Variants in ANKRD28 observed in about 807,000 individuals in gnomAD.
The protein encoded by ANKRD28 is ankyrin repeat domain 28.
ANKRD28 carries 44 observed loss-of-function variants against 126.5 expected under a neutral mutation model. The ratio of observed to expected loss-of-function variants is 0.35; its 90% CI spans 0.27 to 0.45. ANKRD28 has a LOEUF of 0.45. Among genes scored for constraint, ANKRD28 ranks in the 20% least tolerant of loss-of-function variants. ANKRD28 has a pLI of 1.00. For missense variants in ANKRD28, 1,110 were observed against 1,316.6 expected, an observed-to-expected ratio of 0.84 and a Z score of 2.43; for synonymous variants, 442 against 468.5, an observed-to-expected ratio of 0.94 and a Z score of 0.73.
At chr3:15,716,279 G>A (rs2073028517) in intron 8 of ANKRD28, among the ~76,000 whole-genome samples, 1 of 146,364 alleles carries the variant, frequency 6.8e-6, no homozygotes. Flanking sequence ...ACCGCACCTG[G>A]ACTTTTTTTT....
chr3:15,749,095 G>GTTTTGTTTTT, intron 4 of ANKRD28, among the ~76,000 whole-genome samples: 1 of 106,998 alleles, frequency 9.3e-6, no homozygotes, highest in East Asian at 3.3e-4. Flanking sequence ...TCTATATTAT[G>GTTTTGTTTTT]TTTTTGTTTT....
In ANKRD28 at chr3:15,814,787, A is replaced by G. The variant is rs2060798956; in HGVS notation, c.28-19481T>C. ...AATATTCAATCTATACGCTTTTTGAATATGTAGAACATACTCATTTCAGTA... is the reference window on the plus strand; with the variant it reads ...AATATTCAATCTATACGCTTTTTGAGTATGTAGAACATACTCATTTCAGTA... On this transcript the variant is annotated intron_variant, in intron 1 of 27. Transcript: ENST00000399451. This position sits in a 1 kb window ranked among gnomAD's most constrained non-coding sequence, Gnocchi z 4.7. Among the ~76,000 whole-genome samples, 1 of 151,814 alleles carries G rather than the reference A, an allele frequency of 6.6e-6. No individual in the cohort carries two copies.
chr3:15,790,680 G>A lies in ANKRD28; in HGVS notation c.201+4543C>T, dbSNP rs557887289. On this transcript the variant is annotated intron_variant, in intron 2 of 27. Transcript: ENST00000683139. ...GCCATATATGACAGACCCACAGCTAGTATCATGCTGAATGAGGAAAAACTG... is the reference window on the plus strand; with the variant it reads ...GCCATATATGACAGACCCACAGCTAATATCATGCTGAATGAGGAAAAACTG... Among the ~76,000 whole-genome samples, 95 of 152,076 alleles carry A rather than the reference G, an allele frequency of 6.2e-4. 2 individuals are homozygous for A. The South Asian group carries it at 0.019, about 31-fold the overall frequency.
chr3:15,768,787 G>A (rs1575606140), intron 2 of ANKRD28, among the ~76,000 whole-genome samples: 1 of 152,284 alleles, frequency 6.6e-6, no homozygotes, highest in East Asian at 1.9e-4. Context: ...GTAAAGGGAG[G>A]TTGATATAGT....
chr3:15,736,627 T>C (rs1406304987), intron 5 of ANKRD28, among the ~76,000 whole-genome samples: 2 of 152,244 alleles, frequency 1.3e-5, no homozygotes, highest in Admixed American at 6.5e-5. Flanking sequence ...TTTTCTTAAA[T>C]TGTTTTGATG....
In ANKRD28 at chr3:15,839,661, C is replaced by G. The variant is rs1421592896; in HGVS notation, c.27+19716G>C. ...CAAAAAATCCTCAACAAAATACTAGCAAACCAAATTCAACAACACACTAAA... is the reference window on the plus strand; with the variant it reads ...CAAAAAATCCTCAACAAAATACTAGGAAACCAAATTCAACAACACACTAAA... On this transcript the variant is annotated intron_variant, in intron 1 of 27. Transcript: ENST00000399451. This position sits in a 1 kb window ranked among gnomAD's most constrained non-coding sequence, Gnocchi z 4.3. 3.3e-5 allele frequency among the ~76,000 whole-genome samples: 5 copies of G among 151,948 alleles called. No homozygotes were observed. Among genetic ancestry groups the G allele is most frequent in the Admixed American group, 3.3e-4 (5 of 15,264 alleles).
At chr3:15,695,756 T>G (rs1348871526) in intron 15 of ANKRD28, among the ~76,000 whole-genome samples, 2 of 152,156 alleles carry the variant, frequency 1.3e-5, no homozygotes, top group African/African-American at 4.8e-5. Context: ...GAAATAAATG[T>G]GCCTTTTGGA....
At chr3:15,761,516 G>A (rs1306822089) in intron 3 of ANKRD28, among the ~76,000 whole-genome samples, 3 of 152,050 alleles carry the variant, frequency 2.0e-5, no homozygotes, top group Non-Finnish European at 4.4e-5. Flanking sequence ...AGTTTAACTT[G>A]GGCCTCAGCA....
chr3:15,770,835 G>C (rs1200794920), intron 2 of ANKRD28, among the ~76,000 whole-genome samples: 1 of 152,148 alleles, frequency 6.6e-6, no homozygotes. Context: ...CTGAAAGTAG[G>C]GGAAGATTAA....
At chr3:15,768,802 A>G (rs6442550) in intron 2 of ANKRD28, among the ~76,000 whole-genome samples, 74,694 of 152,054 alleles carry the variant, frequency 0.49, 20,295 homozygotes, top group Non-Finnish European at 0.6. Context: ...TATAGTGCCA[A>G]TAATGTTAAA....
At chr3:15,774,995 G>T (rs1205654380) in intron 2 of ANKRD28, among the ~76,000 whole-genome samples, 1 of 152,204 alleles carries the variant, frequency 6.6e-6, no homozygotes, top group African/African-American at 2.4e-5. Flanking sequence ...TCCTGCCTCA[G>T]CCTCCCCAGT....
Position 15,797,458 on chromosome 3 carries a change from A to G in ANKRD28, c.-937T>C, listed in dbSNP as rs780177324. ...CAGCAAAAGGGCACAGGCACCAGGC[A>G]GAAATGGTGTTAGTGGAGAATCCTA... On this transcript the variant is annotated 5_prime_UTR_variant, in exon 1 of 28. Coordinates refer to ENST00000683139, the MANE Select transcript of ANKRD28 (RefSeq NM_001349278.2). 90 of 985,300 alleles carry G rather than the reference A, an allele frequency of 9.1e-5. No homozygotes were observed. The highest frequency in any genetic ancestry group is 1.0e-4 in the Non-Finnish European group (85 of 829,960). 61.0% of individuals were successfully genotyped at this position (985,300 alleles called of 1,614,324 possible). A position where few individuals can be genotyped will look rare whatever the true frequency, so the allele number is the denominator to read the frequency against.
intron 1 of ANKRD28, among the ~76,000 whole-genome samples, chr3:15,825,566 A>G (rs1482469585): frequency 6.6e-6 from 1 of 152,122 alleles, no homozygotes; most frequent in African/African-American, 2.4e-5. Context: ...AAGAAACAGA[A>G]TATTTTTTAA....
rs2061020636 is a variant in ANKRD28, at chr3:15,824,676, A to C, written c.28-29370T>G. Among the ~76,000 whole-genome samples, 4 of 152,370 alleles carry C rather than the reference A, an allele frequency of 2.6e-5. No homozygotes were observed. The South Asian group carries it at 8.3e-4, about 32-fold the overall frequency. On this transcript the variant is annotated intron_variant, in intron 1 of 27. Coordinates refer to the ANKRD28 transcript ENST00000399451. Reference sequence around the variant, plus strand: ...TGACTAAGAAGGCCCAGGCCTAAAAATGGACACAAGGAAAATATTTACAAA... The same window carrying C: ...TGACTAAGAAGGCCCAGGCCTAAAACTGGACACAAGGAAAATATTTACAAA...
chr3:15,742,588 C>T (rs2057141187), intron 4 of ANKRD28, among the ~76,000 whole-genome samples: 1 of 66,224 alleles, frequency 1.5e-5, no homozygotes, highest in South Asian at 6.7e-4. Flanking sequence ...CAGCAGCCAC[C>T]CCATCCGGGA....
At chr3:15,848,482 C>T (rs564729818) in intron 1 of ANKRD28, among the ~76,000 whole-genome samples, 3 of 152,008 alleles carry the variant, frequency 2.0e-5, no homozygotes, top group Non-Finnish European at 2.9e-5. Flanking sequence ...GAAGACCAGC[C>T]TGGGCAACAG....
intron 12 of ANKRD28, 47 bp from the exon 13 acceptor site, chr3:15,709,783 ATAATGAAATTGG>A: frequency 7.7e-7 from 1 of 1,297,834 alleles, no homozygotes; most frequent in Non-Finnish European, 1.1e-6. Context: ...CAGTGATTTT[ATAATGAAATTGG>A]TAGGTTTAAA....
At chr3:15,727,068 C>T (rs1024562537) in intron 6 of ANKRD28, among the ~76,000 whole-genome samples, 1 of 152,144 alleles carries the variant, frequency 6.6e-6, no homozygotes, top group Non-Finnish European at 1.5e-5. Flanking sequence ...TGTACTTGGC[C>T]ACCCAAGAGC....
chr3:15,840,709 A>T (rs1250529063), intron 1 of ANKRD28, among the ~76,000 whole-genome samples: 2 of 152,238 alleles, frequency 1.3e-5, no homozygotes, highest in African/African-American at 4.8e-5. Flanking sequence ...TCAGTGGAAC[A>T]CAATAGAGAA....
Sources: gnomAD v4.1 joint callset for allele counts (sites outside exome capture counted in the v4.1 genomes callset) on GRCh38, gnomAD v4.1.1 for gene constraint, Gnocchi (gnomAD v3.1) non-coding constraint, MANE v1.5 for transcripts, NCBI Gene and HGNC (gene_info 2026-07-23, HGNC 2026-07-21) for gene names.